Variants in NCOA7 observed in about 807,000 individuals in gnomAD.
The protein encoded by NCOA7 is 140 kDa estrogen receptor-associated protein.
A neutral mutation model predicts 104.3 loss-of-function variants in NCOA7; 45 were observed. That is an observed-to-expected ratio of 0.43 (90% confidence interval 0.34 to 0.55). The LOEUF is 0.55. Among genes scored for constraint, NCOA7 ranks in the 20% least tolerant of loss-of-function variants. The probability of loss-of-function intolerance (pLI) is 0.02; values close to 1 mark genes in which losing one functional copy is unlikely to be tolerated. For synonymous variants in NCOA7, 398 were observed against 402.3 expected (o/e 0.99, Z 0.13); for missense variants, 1,041 against 1,119.7 (o/e 0.93, Z 1.00).
At chr6:125,904,946 A>G (rs1785839769) in intron 10 of NCOA7, among the ~76,000 whole-genome samples, 1 of 152,122 alleles carries the variant, frequency 6.6e-6, no homozygotes, top group African/African-American at 2.4e-5. Flanking sequence ...CCAGTACTTG[A>G]CCCAGTTCTC....
At chr6:125,882,076 ACTC>A (rs1409521043) in intron 6 of NCOA7, among the ~76,000 whole-genome samples, 1 of 151,948 alleles carries the variant, frequency 6.6e-6, no homozygotes, top group Non-Finnish European at 1.5e-5. Context: ...CAGGTCCCGA[ACTC>A]CTGACCTCAG....
intron 10 of NCOA7, among the ~76,000 whole-genome samples, chr6:125,906,136 T>G (rs1785980480): frequency 6.6e-6 from 1 of 151,728 alleles, no homozygotes; most frequent in Non-Finnish European, 1.5e-5. Flanking sequence ...GGTCGCAAGG[T>G]GGGGTGGTGG....
intron 10 of NCOA7, among the ~76,000 whole-genome samples, chr6:125,914,370 C>T (rs752263004): frequency 2.0e-5 from 3 of 151,938 alleles, no homozygotes; most frequent in Non-Finnish European, 1.5e-5. Flanking sequence ...GCTGTATAAA[C>T]GATGTACACT....
chr6:125,893,601 G>C (rs984857450), intron 10 of NCOA7, among the ~76,000 whole-genome samples: 2 of 152,024 alleles, frequency 1.3e-5, no homozygotes, highest in Admixed American at 6.6e-5. Context: ...GCGGGGCTGT[G>C]GGGGGGCCAG....
At chr6:125,867,954 C>G (rs1288727109) in intron 3 of NCOA7, among the ~76,000 whole-genome samples, 1 of 152,182 alleles carries the variant, frequency 6.6e-6, no homozygotes, top group African/African-American at 2.4e-5. Flanking sequence ...TTCTATAGAC[C>G]TGGAAGTGAC....
Position 125,874,963 on chromosome 6 carries a change from T to C in NCOA7, c.346T>C (p.Tyr116His). Residue 116 changes from tyrosine (Y) to histidine (H), a missense_variant, in exon 4 of 16, where the codon TAC (tyrosine) becomes CAC (histidine). By Grantham distance (83) the Tyr-to-His change is moderately conservative. Around this residue, in one of 2 missense-constraint regions of NCOA7, gnomAD observed 914 missense variants for 942.7 expected, o/e 0.97. Coordinates refer to ENST00000392477, the MANE Select transcript of NCOA7 (RefSeq NM_181782.5). ...TCAGAAGCCCCATGGGACTATGGAATACACTGTGAGTATAACCAAGGTGGT... is the reference window on the plus strand; with the variant it reads ...TCAGAAGCCCCATGGGACTATGGAACACACTGTGAGTATAACCAAGGTGGT... ...VVQKPHGTME[Y>H]TAGNQDTLNS... is the part of the protein sequence containing the mutation. 6.2e-7 allele frequency: 1 copy of C among 1,611,152 alleles called. No homozygotes were observed. The highest frequency in any genetic ancestry group is 8.5e-7 in the Non-Finnish European group (1 of 1,177,342).
chr6:125,822,055 C>A (rs369719422), intron 2 of NCOA7, among the ~76,000 whole-genome samples: 11 of 152,174 alleles, frequency 7.2e-5, no homozygotes, highest in African/African-American at 2.7e-4. Context: ...GATTATACCA[C>A]GTGGGTGGAG....
At chr6:125,858,121 T>G (rs780146590) in intron 3 of NCOA7, among the ~76,000 whole-genome samples, 2 of 152,120 alleles carry the variant, frequency 1.3e-5, no homozygotes, top group Admixed American at 1.3e-4. Flanking sequence ...ATGGATGTAT[T>G]TGATTACCTA....
rs764814017 is a variant in NCOA7 at position 125,890,800 on chromosome 6, C to G, written c.2086C>G (p.Pro696Ala). The G allele has an allele frequency of 1.4e-5, 23 of 1,606,500 alleles. No individual in the cohort carries two copies. In the South Asian group the frequency reaches 2.5e-4, roughly 17 times the overall value. Residue 696 changes from proline (P) to alanine (A), a missense_variant, in exon 10 of 16, where the codon CCT becomes GCT. This residue lies in a region of NCOA7 where 914 missense variants were observed against 942.7 expected (regional missense o/e 0.97). Coordinates refer to ENST00000392477, the MANE Select transcript of NCOA7 (RefSeq NM_181782.5). ...GCAGCCAGAGTACTGGTTTGCTGTT[C>G]CTCGGGAGAGGTGAGTATGGGCTAC... ...RKQPEYWFAV[P>A]RERVDHLYTF...
chr6:125,880,273 T>G (rs969032322), intron 5 of NCOA7, among the ~76,000 whole-genome samples: 8 of 152,110 alleles, frequency 5.3e-5, no homozygotes, highest in Non-Finnish European at 1.0e-4. Context: ...CAGAGCCTGC[T>G]TGGAGTTAGC....
rs1787706329 is a variant in NCOA7, at chr6:125,922,842, C to A, written c.2523+8C>A. On this transcript the variant is annotated splice_region_variant and intron_variant, in intron 13 of 15. Transcript: ENST00000392477. ...AAAGATATGGATAATCAGGTGAGGC[C>A]TGTCCCTCTCATAAAGAATATTTTT... 6.2e-7 allele frequency: 1 copy of A among 1,611,978 alleles called. No homozygotes were observed. The highest frequency in any genetic ancestry group is 2.2e-5 in the East Asian group (1 of 44,858).
At chr6:125,818,919 A>T (rs553213310) in intron 2 of NCOA7, 1 of 152,454 alleles carries the variant, frequency 6.6e-6, no homozygotes, top group East Asian at 1.9e-4. Flanking sequence ...GCCAAGGGTG[A>T]GGCCAAACTG....
rs565127486 is a variant in NCOA7, at chr6:125,882,650, C to G, written c.699+99C>G. ...CAGAGGCTACATTAAAAGATCTTAC[C>G]CAAAGTGTCAATTTTAGGTTTGACA... is the stretch of plus-strand genomic sequence containing the variant. On this transcript the variant is annotated intron_variant, in intron 7 of 15. Transcript: ENST00000392477. 2.0e-5 allele frequency: 29 copies of G among 1,419,114 alleles called. No homozygotes were observed. In the African/African-American group the frequency reaches 3.0e-4, roughly 15 times the overall value. The allele number at this position is 1,419,114 out of a possible 1,614,324, so 87.9% of individuals were successfully genotyped here.
intron 2 of NCOA7, among the ~76,000 whole-genome samples, chr6:125,845,328 AG>A (rs770102949): frequency 2.0e-4 from 30 of 152,344 alleles, no homozygotes; most frequent in Non-Finnish European, 1.2e-4. Flanking sequence ...AGCTGGACTC[AG>A]GAGAAAGAAT....
At position 125,847,747 on chromosome 6, in the gene NCOA7, A is replaced by G. The variant is rs541213774; in HGVS notation, c.51-7273A>G. Among the ~76,000 whole-genome samples the G allele has an allele frequency of 2.0e-5, 3 of 152,374 alleles. No individual in the cohort carries two copies. The South Asian group carries it at 6.2e-4, about 32-fold the overall frequency. Reference sequence around the variant, plus strand: ...GCCATTCAGGACAGAGGCATGGGCAAGGACTTCATGTCTAAAACACCAAAA... The same window carrying G: ...GCCATTCAGGACAGAGGCATGGGCAGGGACTTCATGTCTAAAACACCAAAA... On this transcript the variant is annotated intron_variant, in intron 2 of 15. Coordinates refer to ENST00000392477, the MANE Select transcript of NCOA7 (RefSeq NM_181782.5).
In NCOA7 at chr6:125,889,703, G is replaced by A. The variant is rs747667483; in HGVS notation, c.1649G>A (p.Ser550Asn). 6.2e-7 allele frequency: 1 copy of A among 1,614,092 alleles called. No individual in the cohort carries two copies. The highest frequency in any genetic ancestry group is 2.2e-5 in the East Asian group (1 of 44,862). Residue 550 changes from serine to asparagine, a missense_variant, in exon 9 of 16, where the codon AGT becomes AAT. Transcript: ENST00000392477. ...LQKTELSDGK[S>N]IEPGGIDITL... ...AAAACAGAATTAAGTGATGGAAAAA[G>A]TATTGAACCAGGGGGAATAGACATT... is the stretch of plus-strand genomic sequence containing the variant.
intron 13 of NCOA7, among the ~76,000 whole-genome samples, chr6:125,926,375 A>C (rs1453554919): frequency 6.6e-6 from 1 of 151,812 alleles, no homozygotes; most frequent in Admixed American, 6.6e-5. Context: ...TTAAAATTCT[A>C]TGGAGGGTGT....
chr6:125,803,614 T>C (rs984830298), intron 1 of NCOA7, among the ~76,000 whole-genome samples: 2 of 152,238 alleles, frequency 1.3e-5, no homozygotes, highest in African/African-American at 4.8e-5. Context: ...TATGAATGTA[T>C]GCCAGTATAT....
At chr6:125,840,870 T>G (rs1296670036) in intron 2 of NCOA7, among the ~76,000 whole-genome samples, 5 of 5,804 alleles carry the variant, frequency 8.6e-4, no homozygotes, top group African/African-American at 2.7e-3. Flanking sequence ...TTTGGTTGGT[T>G]TTTTTTTTTT....
Sources: gnomAD v4.1 joint callset for allele counts (sites outside exome capture counted in the v4.1 genomes callset) on GRCh38, gnomAD v4.1.1 for gene constraint, gnomAD v4.1.1 regional missense constraint, MANE v1.5 for transcripts, NCBI Gene and HGNC (gene_info 2026-07-23, HGNC 2026-07-21) for gene names.